BAZ1B: variants seen among roughly 807,000 people sequenced by gnomAD.
BAZ1B encodes bromodomain adjacent to zinc finger domain 1B.
A neutral mutation model predicts 153.8 loss-of-function variants in BAZ1B; 22 were observed. The observed-to-expected ratio is 0.14, with a 90% CI of 0.10 to 0.20. The LOEUF (loss-of-function observed/expected upper bound fraction) is 0.20. Among genes scored for constraint, BAZ1B ranks in the 10% least tolerant of loss-of-function variants. The probability of loss-of-function intolerance (pLI) is 1.00; values close to 1 mark genes in which losing one functional copy is unlikely to be tolerated. For missense variants in BAZ1B, 1,325 were observed against 1,799.3 expected (o/e 0.74, Z 4.77); for synonymous variants, 676 against 633.4 (o/e 1.07, Z -1.01).
Position 73,442,826 on chromosome 7 carries a change from C to T in BAZ1B, c.3993G>A (p.Val1331=), listed in dbSNP as rs145782828. 2.1e-4 allele frequency: 337 copies of T among 1,611,592 alleles called. No homozygotes were observed. Among genetic ancestry groups the T allele is most frequent in the Non-Finnish European group, 2.8e-4 (325 of 1,178,306 alleles). Residue 1331 remains valine, a splice_region_variant and synonymous_variant, in exon 18 of 20, where the codon GTG becomes GTA. Coordinates refer to ENST00000339594, the MANE Select transcript of BAZ1B (RefSeq NM_032408.4). ...TCCGGGAGCTCCGCTTGGTCTGAAG[C>T]ACCTGGCAGGAAAGAAAGAACAATG... is the stretch of plus-strand genomic sequence containing the variant. The part of the protein sequence containing the change: ...PVDDAEVDEL[V]LQTKRSSRRQ...
chr7:73,497,530 G>C (rs782384894), intron 4 of BAZ1B, among the ~76,000 whole-genome samples: 1 of 152,042 alleles, frequency 6.6e-6, no homozygotes, highest in African/African-American at 2.4e-5. Flanking sequence ...TGATAGACTA[G>C]TATCTACATG....
At chr7:73,505,599 G>A (rs1554577636) in intron 3 of BAZ1B, among the ~76,000 whole-genome samples, 2 of 151,898 alleles carry the variant, frequency 1.3e-5, no homozygotes, top group African/African-American at 2.4e-5. Flanking sequence ...CAAGCATGAT[G>A]GAGAAGCAAA....
At chr7:73,456,675 C>T (rs1356378715) in intron 13 of BAZ1B, among the ~76,000 whole-genome samples, 2 of 152,054 alleles carry the variant, frequency 1.3e-5, no homozygotes, top group Admixed American at 1.3e-4. Context: ...GGCGTGGTGG[C>T]TGAGGCCTAT....
chr7:73,498,151 G>C (rs545380341), intron 4 of BAZ1B, among the ~76,000 whole-genome samples: 12 of 151,902 alleles, frequency 7.9e-5, no homozygotes, highest in Non-Finnish European at 1.3e-4. Flanking sequence ...GTAGAGACAG[G>C]GTTTCACCAT....
intron 19 of BAZ1B, 34 bp downstream of exon 19, chr7:73,442,147 C>A: frequency 1.3e-6 from 1 of 744,362 alleles, no homozygotes; most frequent in Non-Finnish European, 2.3e-6. Context: ...CCCTCCCACC[C>A]TCCCTAGCTG....
intron 9 of BAZ1B, among the ~76,000 whole-genome samples, chr7:73,467,887 GTATT>G: frequency 6.6e-6 from 1 of 152,240 alleles, no homozygotes; most frequent in Admixed American, 6.5e-5. Context: ...CCTCACCTGA[GTATT>G]TATGAAGTCT....
At position 73,496,194 on chromosome 7, in the gene BAZ1B, C is replaced by T. The variant is rs531661989; in HGVS notation, c.571+2303G>A. Among the ~76,000 whole-genome samples, 26 of 152,220 alleles carry T rather than the reference C, an allele frequency of 1.7e-4. No homozygotes were observed. In the South Asian group the frequency reaches 2.3e-3, roughly 13 times the overall value. On this transcript the variant is annotated intron_variant, in intron 4 of 19. Coordinates refer to ENST00000339594, the MANE Select transcript of BAZ1B (RefSeq NM_032408.4). ...GCAGAGAGAATATTCCTAACCAAAA[C>T]ACTTCTCAACCTCAAGGAATTGCAA...
intron 9 of BAZ1B, among the ~76,000 whole-genome samples, chr7:73,467,371 AT>A (rs1405600709): frequency 1.3e-5 from 2 of 151,048 alleles, no homozygotes; most frequent in Non-Finnish European, 3.0e-5. Flanking sequence ...TAATTTATTT[AT>A]TTTTTTTAAT....
intron 2 of BAZ1B, among the ~76,000 whole-genome samples, chr7:73,509,932 GC>G (rs1316276520): frequency 6.6e-6 from 1 of 150,742 alleles, no homozygotes; most frequent in Non-Finnish European, 1.5e-5. Flanking sequence ...TTCGAGACCA[GC>G]CTGGCTAACA....
At chr7:73,449,790 G>T in intron 14 of BAZ1B, 101 bp from the exon 15 acceptor site, 2 of 1,297,822 alleles carry the variant, frequency 1.5e-6, no homozygotes, top group Non-Finnish European at 2.1e-6. Context: ...CACACGAGGA[G>T]ACATGTTCCA....
chr7:73,518,450 A>C (rs1790901157), intron 1 of BAZ1B, among the ~76,000 whole-genome samples: 1 of 151,934 alleles, frequency 6.6e-6, no homozygotes, highest in South Asian at 2.1e-4. Context: ...ATAAAAATAA[A>C]AATAAAAATC....
chr7:73,513,074 C>A (rs1790651348), intron 1 of BAZ1B, among the ~76,000 whole-genome samples: 2 of 152,302 alleles, frequency 1.3e-5, no homozygotes, highest in Middle Eastern at 3.4e-3. Flanking sequence ...GGGCCTCAGC[C>A]TCCTGAGTAG....
In BAZ1B at chr7:73,521,789, C is replaced by G. The variant is rs782411847; in HGVS notation, c.107+38G>C. Reference sequence around the variant, plus strand: ...AGCCCCAGGCCCTACCCCGGCCCAGCCCGGCCCAGCCCGGCCCGCGCGGCT... The same window carrying G: ...AGCCCCAGGCCCTACCCCGGCCCAGGCCGGCCCAGCCCGGCCCGCGCGGCT... On this transcript the variant is annotated intron_variant, in intron 1 of 19. Transcript: ENST00000339594. The G allele has an allele frequency of 1.2e-5, 17 of 1,468,624 alleles. No homozygotes were observed. The South Asian group carries it at 2.1e-4, about 18-fold the overall frequency. The allele number at this position is 1,468,624 out of a possible 1,614,324, so 91.0% of individuals were successfully genotyped here.
At chr7:73,509,631 G>C (rs1790493750) in intron 2 of BAZ1B, among the ~76,000 whole-genome samples, 1 of 151,954 alleles carries the variant, frequency 6.6e-6, no homozygotes, top group Non-Finnish European at 1.5e-5. Context: ...TGAGGCAAGA[G>C]GCTGGCTTGA....
At chr7:73,463,428 T>A (rs1788465384) in intron 11 of BAZ1B, among the ~76,000 whole-genome samples, 1 of 151,750 alleles carries the variant, frequency 6.6e-6, no homozygotes, top group Non-Finnish European at 1.5e-5. Context: ...TTTGTAGGGA[T>A]GGGGTCTTGC....
At position 73,477,529 on chromosome 7, in the gene BAZ1B, A is replaced by G. The variant is rs1554573005; in HGVS notation, c.1932T>C (p.Asp644=). The part of the protein sequence containing the change: ...AVSLMEALSA[D]KGGFLYLNRV... ...TGTTAAGGTATAAAAAGCCACCCTT[A>G]TCTGCACTCAAGGCTTCCATAAGGG... The change falls in exon 7 of 20, where the codon GAT becomes GAC. Residue 644 remains aspartate (D), a synonymous_variant. Transcript: ENST00000339594. The surrounding 1 kb of genome is among the most constrained non-coding windows in gnomAD (Gnocchi z 5.6). 6.2e-7 allele frequency: 1 copy of G among 1,614,204 alleles called. No individual in the cohort carries two copies. Among genetic ancestry groups the G allele is most frequent in the Admixed American group, 1.7e-5 (1 of 60,024 alleles).
chr7:73,470,260 C>G, intron 8 of BAZ1B, 85 bp downstream of exon 8: 1 of 1,359,766 alleles, frequency 7.4e-7, no homozygotes, highest in Non-Finnish European at 9.9e-7. Flanking sequence ...AGAAGCTTGT[C>G]TATTCTTGTA....
intron 6 of BAZ1B, among the ~76,000 whole-genome samples, chr7:73,482,927 C>G (rs887985068): frequency 1.3e-5 from 2 of 152,190 alleles, no homozygotes; most frequent in Admixed American, 1.3e-4. Context: ...GCAGTCACAG[C>G]CAAATGGGAG....
At chr7:73,509,916 C>G (rs1205019340) in intron 2 of BAZ1B, among the ~76,000 whole-genome samples, 1 of 148,906 alleles carries the variant, frequency 6.7e-6, no homozygotes, top group Non-Finnish European at 1.5e-5. Flanking sequence ...CGCTTGAGGT[C>G]AGGAGTTCGA....
Sources: gnomAD v4.1 joint callset for allele counts (sites outside exome capture counted in the v4.1 genomes callset) on GRCh38, gnomAD v4.1.1 for gene constraint, Gnocchi (gnomAD v3.1) non-coding constraint, MANE v1.5 for transcripts, NCBI Gene and HGNC (gene_info 2026-07-23, HGNC 2026-07-21) for gene names.